PLCH1: variants seen among roughly 807,000 people sequenced by gnomAD.
PLCH1 encodes the protein phospholipase C eta 1.
In PLCH1, 60 loss-of-function variants were observed where a neutral mutation model predicts 126.7. The ratio of observed to expected loss-of-function variants is 0.47; its 90% CI spans 0.38 to 0.59. PLCH1 has a LOEUF of 0.59. Ranked by LOEUF, PLCH1 falls within the 20% of genes least tolerant of loss-of-function variation. PLCH1 has a pLI of 0.00. For synonymous variants in PLCH1, 719 were observed against 734.9 expected (o/e 0.98, Z 0.35); for missense variants, 1,723 against 2,040.0 (o/e 0.84, Z 2.99).
chr3:155,560,172 A>G, intron 8 of PLCH1, among the ~76,000 whole-genome samples: 1 of 152,214 alleles, frequency 6.6e-6, no homozygotes, highest in South Asian at 2.1e-4. Context: ...CTGTCACTTC[A>G]TGGAGTCACT....
chr3:155,494,217 C>T lies in PLCH1; in HGVS notation c.2106G>A (p.Met702Ile), dbSNP rs749600800. Residue 702 changes from methionine (M) to isoleucine (I), a missense_variant, in exon 17 of 23, where the codon ATG becomes ATA. Physicochemically the swap from Met to Ile is conservative, Grantham distance 10 (BLOSUM62 1). Around this residue, in one of 2 missense-constraint regions of PLCH1, gnomAD observed 776 missense variants for 1,062.9 expected, o/e 0.73. Transcript: ENST00000460012. ...TGAATTTGGCTCGGTTTAACTGCAT[C>T]ATTCGTCCTTCAGATTGATAATTCA... ...VALNYQSEGR[M>I]MQLNRAKFKA... The T allele has an allele frequency of 6.2e-7, 1 of 1,614,004 alleles. No individual in the cohort carries two copies. Among genetic ancestry groups the T allele is most frequent in the African/African-American group, 1.3e-5 (1 of 74,920 alleles).
downstream of PLCH1, among the ~76,000 whole-genome samples, chr3:155,476,566 T>C (rs1196159811): frequency 6.6e-6 from 1 of 151,856 alleles, no homozygotes; most frequent in Non-Finnish European, 1.5e-5. Flanking sequence ...CACAAGAAAA[T>C]TAGTAGAACT....
intron 15 of PLCH1, among the ~76,000 whole-genome samples, chr3:155,494,742 G>C (rs1156889652): frequency 3.9e-5 from 6 of 152,138 alleles, no homozygotes; most frequent in Non-Finnish European, 8.8e-5. Context: ...TGTGTGTCTT[G>C]CTCAAGTAGC....
intron 9 of PLCH1, among the ~76,000 whole-genome samples, chr3:155,553,324 C>T (rs1000738510): frequency 1.3e-5 from 2 of 152,014 alleles, no homozygotes; most frequent in African/African-American, 4.8e-5. Flanking sequence ...GCCATGTTGA[C>T]CAGGCTGGTC....
chr3:155,672,228 AC>A (rs961402869), intron 2 of PLCH1, among the ~76,000 whole-genome samples: 5 of 152,108 alleles, frequency 3.3e-5, no homozygotes, highest in African/African-American at 1.2e-4. Flanking sequence ...TCCAACCAAA[AC>A]CCCAACTAAG....
chr3:155,483,251 G>A, intron 22 of PLCH1, 200 bp from the exon 23 acceptor site: 1 of 951,914 alleles, frequency 1.1e-6, no homozygotes, highest in Non-Finnish European at 1.6e-6. Context: ...GAATTTCACT[G>A]GAGCTTCCCT....
At chr3:155,682,956 T>C (rs1428199200) in intron 2 of PLCH1, among the ~76,000 whole-genome samples, 1 of 152,244 alleles carries the variant, frequency 6.6e-6, no homozygotes, top group Non-Finnish European at 1.5e-5. Context: ...TTATTGTGAA[T>C]GTTTATTCAT....
chr3:155,585,610 C>T (rs117145623), intron 5 of PLCH1, among the ~76,000 whole-genome samples: 1 of 152,174 alleles, frequency 6.6e-6, no homozygotes, highest in East Asian at 1.9e-4. Flanking sequence ...CTGGAGAGCT[C>T]CCTAAATGGC....
chr3:155,636,475 C>T (rs533160519), intron 2 of PLCH1, among the ~76,000 whole-genome samples: 5 of 152,186 alleles, frequency 3.3e-5, no homozygotes, highest in East Asian at 1.9e-4. Context: ...AGGCCAGGCG[C>T]GGTGGCTCTC....
At chr3:155,457,948 T>C (rs574364731) in intron 21 of PLCH1, among the ~76,000 whole-genome samples, 2 of 152,198 alleles carry the variant, frequency 1.3e-5, no homozygotes, top group South Asian at 4.2e-4. Flanking sequence ...CACCACCAAC[T>C]GAGGAGTTCC....
intron 10 of PLCH1, among the ~76,000 whole-genome samples, chr3:155,537,427 A>C (rs1723587572): frequency 6.6e-6 from 1 of 152,140 alleles, no homozygotes; most frequent in African/African-American, 2.4e-5. Flanking sequence ...AGATGGTCTA[A>C]ATGCTCCACT....
At chr3:155,535,715 A>G (rs1576938575) in intron 10 of PLCH1, among the ~76,000 whole-genome samples, 1 of 152,200 alleles carries the variant, frequency 6.6e-6, no homozygotes, top group East Asian at 1.9e-4. Context: ...GCTGAAGACA[A>G]AAGACATAAT....
intron 21 of PLCH1, among the ~76,000 whole-genome samples, chr3:155,458,453 G>GGAAGGAAA (rs1712545447): frequency 2.5e-3 from 73 of 28,628 alleles, no homozygotes; most frequent in Admixed American, 3.5e-3. Flanking sequence ...AAGGAAGGAA[G>GGAAGGAAA]GAAAGAAAGA....
intron 2 of PLCH1, among the ~76,000 whole-genome samples, chr3:155,698,555 G>A (rs1338889669): frequency 1.3e-5 from 2 of 152,186 alleles, no homozygotes; most frequent in Non-Finnish European, 1.5e-5. Context: ...ATTAGCCTGT[G>A]TTTAAAAGTA....
At chr3:155,524,425 A>C (rs1721632965) in intron 10 of PLCH1, among the ~76,000 whole-genome samples, 1 of 152,196 alleles carries the variant, frequency 6.6e-6, no homozygotes, top group African/African-American at 2.4e-5. Flanking sequence ...ACACTTTAAA[A>C]AGGGTTTATT....
At chr3:155,551,223 T>A (rs1472261935) in intron 9 of PLCH1, among the ~76,000 whole-genome samples, 1 of 151,970 alleles carries the variant, frequency 6.6e-6, no homozygotes, top group Non-Finnish European at 1.5e-5. Flanking sequence ...AGCAGGCAGA[T>A]CACTTGAGGC....
intron 5 of PLCH1, 76 bp from the exon 6 acceptor site, chr3:155,583,718 C>T: frequency 9.7e-7 from 1 of 1,035,268 alleles, no homozygotes; most frequent in Non-Finnish European, 1.4e-6. Flanking sequence ...ATAATATTTA[C>T]TATAAAAGAG....
rs1748021859 is a variant in PLCH1, at chr3:155,722,431, GGA to G, written c.-40-18169_-40-18168del. Among the ~76,000 whole-genome samples the G allele has an allele frequency of 2.6e-5, 4 of 152,212 alleles. No individual in the cohort carries two copies. In the South Asian group the frequency reaches 6.2e-4, roughly 24 times the overall value. ...CCCACCCTGGCCTCCCAAAGTGCTG[GGA>G]TTACAGGCGTGAGCCACTGTGCCTG... On this transcript the variant is annotated intron_variant, in intron 1 of 22. Transcript: ENST00000460012.
chr3:155,498,690 G>T (rs1205998287), intron 14 of PLCH1, among the ~76,000 whole-genome samples: 1 of 152,120 alleles, frequency 6.6e-6, no homozygotes. Flanking sequence ...AATTACAAAG[G>T]ATGTTTACTT....
Sources: allele counts gnomAD v4.1 joint callset (sites outside exome capture counted in the v4.1 genomes callset), GRCh38; gene constraint gnomAD v4.1.1; regional missense constraint gnomAD v4.1.1; transcripts MANE v1.5; gene names NCBI Gene and HGNC (gene_info 2026-07-23, HGNC 2026-07-21).